Variants in ACSM3 observed in about 807,000 individuals in gnomAD.
ACSM3 encodes the protein acyl-CoA synthetase medium chain family member 3.
Under a neutral mutation model 74.1 loss-of-function variants are expected in ACSM3, and 61 were observed. The observed-to-expected ratio is 0.82, with a 90% confidence interval of 0.67 to 1.02. The LOEUF is 1.02. Among genes scored for constraint, ACSM3 ranks in the 50% least tolerant of loss-of-function variants. The pLI is 0.00. For missense variants in ACSM3, 660 were observed against 697.0 expected (o/e 0.95, Z 0.60); for synonymous variants, 213 against 241.5 (o/e 0.88, Z 1.09).
At chr16:20,757,067 G>A (rs1043149114) in intron 3 of ACSM3, among the ~76,000 whole-genome samples, 70 of 150,660 alleles carry the variant, frequency 4.6e-4, no homozygotes, top group Middle Eastern at 3.5e-3. Context: ...GTCAGGTAGC[G>A]TGATGCCTCC....
intron 1 of ACSM3, among the ~76,000 whole-genome samples, chr16:20,695,674 A>G (rs1461722884): frequency 7.0e-6 from 1 of 142,618 alleles, no homozygotes; most frequent in African/African-American, 2.6e-5. Flanking sequence ...TTTTCTATCT[A>G]TCTATCATCT....
chr16:20,783,234 A>G (rs2080392471), intron 7 of ACSM3: 1 of 152,218 alleles, frequency 6.6e-6, no homozygotes, highest in African/African-American at 2.4e-5. Flanking sequence ...AAGGCAAAAT[A>G]TTAGAACAAA....
chr16:20,779,508 T>C (rs2080306312), intron 4 of ACSM3, among the ~76,000 whole-genome samples: 2 of 152,152 alleles, frequency 1.3e-5, no homozygotes, highest in South Asian at 2.1e-4. Flanking sequence ...TGGTTGTTTC[T>C]ACTCATTCTC....
chr16:20,794,457 CT>C (rs936718564), intron 12 of ACSM3, among the ~76,000 whole-genome samples: 19 of 152,124 alleles, frequency 1.2e-4, no homozygotes, highest in Admixed American at 9.8e-4. Flanking sequence ...TGAAATGTGG[CT>C]AGTGTGACTG....
At chr16:20,774,442 C>G (rs1417648898) in intron 2 of ACSM3, among the ~76,000 whole-genome samples, 1 of 152,142 alleles carries the variant, frequency 6.6e-6, no homozygotes, top group Non-Finnish European at 1.5e-5. Context: ...GGGGTTTCCC[C>G]ATGTTGGCCA....
At chr16:20,756,811 A>G (rs1409370643) in intron 3 of ACSM3, among the ~76,000 whole-genome samples, 2 of 152,294 alleles carry the variant, frequency 1.3e-5, no homozygotes, top group Admixed American at 6.5e-5. Flanking sequence ...TAATTTTTGT[A>G]TAATGTGTAA....
At chr16:20,736,699 A>C in intron 1 of ACSM3, 3 of 637,528 alleles carry the variant, frequency 4.7e-6, no homozygotes, top group Non-Finnish European at 2.7e-6. Flanking sequence ...AATACCATAA[A>C]GGCTGAAAGA....
chr16:20,736,949 T>G, intron 1 of ACSM3: 2 of 1,614,168 alleles, frequency 1.2e-6, no homozygotes, highest in East Asian at 4.5e-5. Context: ...GTTTGGCTCC[T>G]CCCTCATTTA....
intron 9 of ACSM3, among the ~76,000 whole-genome samples, chr16:20,788,018 A>G (rs919946331): frequency 3.9e-5 from 6 of 152,236 alleles, no homozygotes; most frequent in Non-Finnish European, 7.3e-5. Flanking sequence ...TTTAAAGAGC[A>G]TATCAGAATG....
chr16:20,788,829 G>A (rs949440046), intron 9 of ACSM3, among the ~76,000 whole-genome samples: 2 of 152,114 alleles, frequency 1.3e-5, no homozygotes, highest in Non-Finnish European at 2.9e-5. Flanking sequence ...CTTCATACCT[G>A]GAACCACATA....
chr16:20,756,770 C>A (rs1332816355), intron 3 of ACSM3, among the ~76,000 whole-genome samples: 2 of 152,122 alleles, frequency 1.3e-5, no homozygotes, highest in East Asian at 3.9e-4. Context: ...GGGTTTAGGT[C>A]TAACGTTTAA....
chr16:20,768,819 T>G (rs1384221105), intron 1 of ACSM3, among the ~76,000 whole-genome samples: 2 of 152,170 alleles, frequency 1.3e-5, no homozygotes, highest in African/African-American at 4.8e-5. Flanking sequence ...CCAGTTTTCT[T>G]TGCAGGTGAA....
chr16:20,732,402 G>A (rs1201683821), intron 1 of ACSM3, among the ~76,000 whole-genome samples: 2 of 152,094 alleles, frequency 1.3e-5, no homozygotes, highest in Non-Finnish European at 2.9e-5. Flanking sequence ...TTTCAGAAAG[G>A]CTATTTGAGG....
At position 20,727,625 on chromosome 16, in the gene ACSM3, C is replaced by T. The variant is rs532610839; in HGVS notation, c.-189-22285C>T. ...AGTAGTTACCAAAACTTGCAAACTG[C>T]TCAGTTAGGTTTTGCTAAAGGGGTG... is the stretch of plus-strand genomic sequence containing the variant. On this transcript the variant is annotated intron_variant, in intron 1 of 3. Transcript: ENST00000561584. 1.4e-4 allele frequency among the ~76,000 whole-genome samples: 22 copies of T among 152,270 alleles called. No individual in the cohort carries two copies. In the South Asian group the frequency reaches 4.6e-3, roughly 32 times the overall value.
At chr16:20,759,152 C>G (rs1358222837), upstream of ACSM3, among the ~76,000 whole-genome samples, 1 of 152,222 alleles carries the variant, frequency 6.6e-6, no homozygotes, top group Non-Finnish European at 1.5e-5. Flanking sequence ...ACCCCACCAC[C>G]ACGCCACTTC....
chr16:20,746,660 AACTC>A (rs1178399566), intron 1 of ACSM3, among the ~76,000 whole-genome samples: 2 of 152,176 alleles, frequency 1.3e-5, no homozygotes, highest in Non-Finnish European at 2.9e-5. Flanking sequence ...CTGTGTGAGA[AACTC>A]ACCCAACAGC....
chr16:20,675,338 C>T (rs1267543260), intron 1 of ACSM3, among the ~76,000 whole-genome samples: 6 of 152,114 alleles, frequency 3.9e-5, no homozygotes, highest in Non-Finnish European at 8.8e-5. Flanking sequence ...GATCCCTTAG[C>T]GCAGGCTGTG....
chr16:20,679,729 G>A (rs1167539112), intron 1 of ACSM3: 1 of 152,172 alleles, frequency 6.6e-6, no homozygotes, highest in East Asian at 1.9e-4. Context: ...AACCAAGTTA[G>A]GAACCTGCAC....
intron 1 of ACSM3, among the ~76,000 whole-genome samples, chr16:20,720,196 T>C (rs1215974476): frequency 6.6e-6 from 1 of 152,204 alleles, no homozygotes; most frequent in Non-Finnish European, 1.5e-5. Flanking sequence ...ACATTTATTG[T>C]GTGCTTTATT....
Sources: allele counts gnomAD v4.1 joint callset (sites outside exome capture counted in the v4.1 genomes callset), GRCh38; gene constraint gnomAD v4.1.1; transcripts MANE v1.5; gene names NCBI Gene and HGNC (gene_info 2026-07-23, HGNC 2026-07-21).